Variants in ABCB5 observed in about 807,000 individuals in gnomAD.
ABCB5 encodes ATP binding cassette subfamily B member 5, also known as ATP-binding cassette sub-family B member 5.
Under a neutral mutation model 144.2 loss-of-function variants are expected in ABCB5, and 155 were observed. The observed-to-expected ratio is 1.08, with a 90% confidence interval of 0.94 to 1.23. The LOEUF is 1.23. ABCB5 is among the 50% of genes most tolerant of loss of function. The pLI, the probability that ABCB5 is intolerant of heterozygous loss-of-function variation, is 0.00. For synonymous variants in ABCB5, 610 were observed against 528.6 expected (o/e 1.15, Z -2.11); for missense variants, 1,830 against 1,520.8 (o/e 1.20, Z -3.38).
In ABCB5 at chr7:20,753,506, G is replaced by T; in HGVS notation, c.3576G>T (p.Lys1192Asn). Residue 1192 changes from lysine (K) to asparagine (N), a missense_variant and splice_region_variant, in exon 27 of 28, where the codon AAG becomes AAT. Lys to Asn is a moderately conservative substitution (Grantham distance 94, BLOSUM62 0). Coordinates refer to ENST00000404938, the MANE Select transcript of ABCB5 (RefSeq NM_001163941.2). The part of the protein sequence containing the change: ...ATSALDNDSE[K>N]VVQHALDKAR... ...CAGCCCTCGATAATGACAGTGAGAA[G>T]GTAACATCATTTTCTTTTATCTCAG... is the stretch of plus-strand genomic sequence containing the variant. 1 of 1,608,564 alleles carries T rather than the reference G, an allele frequency of 6.2e-7. No homozygotes were observed. Among genetic ancestry groups the T allele is most frequent in the Non-Finnish European group, 8.5e-7 (1 of 1,177,900 alleles).
chr7:20,617,087 A>G (rs911258454), intron 1 of ABCB5, among the ~76,000 whole-genome samples: 4 of 152,092 alleles, frequency 2.6e-5, no homozygotes, highest in African/African-American at 9.7e-5. Context: ...TATACCAAAA[A>G]CTGACCACTC....
intron 23 of ABCB5, among the ~76,000 whole-genome samples, chr7:20,732,878 G>A (rs1346366735): frequency 6.6e-6 from 1 of 152,164 alleles, no homozygotes; most frequent in Non-Finnish European, 1.5e-5. Flanking sequence ...GCCTGCAAAT[G>A]ACACCCGTTA....
intron 12 of ABCB5, among the ~76,000 whole-genome samples, chr7:20,650,916 T>C (rs1784562461): frequency 6.6e-6 from 1 of 152,198 alleles, no homozygotes; most frequent in African/African-American, 2.4e-5. Flanking sequence ...CCCTGGCTTC[T>C]GTCACGGGAA....
intron 26 of ABCB5, among the ~76,000 whole-genome samples, 187 bp from the exon 27 acceptor site, chr7:20,753,173 A>T (rs187522699): frequency 3.1e-4 from 47 of 152,322 alleles, no homozygotes; most frequent in African/African-American, 1.1e-3. Flanking sequence ...TGTAAATGAG[A>T]TGGTAGTGTT....
chr7:20,675,324 C>T (rs1785566460), intron 14 of ABCB5, among the ~76,000 whole-genome samples: 1 of 151,794 alleles, frequency 6.6e-6, no homozygotes, highest in Non-Finnish European at 1.5e-5. Flanking sequence ...GAATAGAAAG[C>T]CCAGAAATAA....
At chr7:20,722,126 T>A (rs575344755) in intron 20 of ABCB5, among the ~76,000 whole-genome samples, 51 of 152,330 alleles carry the variant, frequency 3.3e-4, no homozygotes, top group Non-Finnish European at 6.2e-4. Flanking sequence ...TTTTTGTTAA[T>A]AGTAACTATG....
At chr7:20,680,569 C>CA (rs112635560) in intron 14 of ABCB5, among the ~76,000 whole-genome samples, 2,399 of 78,032 alleles carry the variant, frequency 0.031, 46 homozygotes, top group African/African-American at 0.066. Flanking sequence ...GACTCCGTCT[C>CA]AAAAAAAAAA....
chr7:20,626,350 C>T (rs1336626744), intron 2 of ABCB5, among the ~76,000 whole-genome samples: 1 of 152,150 alleles, frequency 6.6e-6, no homozygotes, highest in East Asian at 1.9e-4. Flanking sequence ...AAAAATTCTC[C>T]TCCAGACACG....
intron 10 of ABCB5, 39 bp downstream of exon 10, chr7:20,647,687 C>T (rs762688803): frequency 2.0e-6 from 3 of 1,538,250 alleles, no homozygotes; most frequent in Admixed American, 2.2e-5. Flanking sequence ...ACTATCATTA[C>T]TGCAAGAAGG....
chr7:20,717,276 G>A lies in ABCB5; in HGVS notation c.2422-5740G>A, dbSNP rs144851524. ...CACAGACTAGGAGGCTGCAACAACA[G>A]ACATTCATTTCCTTACAGTTCTGGA... On this transcript the variant is annotated intron_variant, in intron 20 of 27. Transcript: ENST00000404938. 4.6e-5 allele frequency among the ~76,000 whole-genome samples: 7 copies of A among 152,170 alleles called. No individual in the cohort carries two copies. The East Asian group carries it at 1.4e-3, about 29-fold the overall frequency.
chr7:20,717,883 CTTTTTTTTTTTTTTTTTTTTTTTTT>C (rs574592723), intron 20 of ABCB5, among the ~76,000 whole-genome samples: 1 of 43,208 alleles, frequency 2.3e-5, no homozygotes, highest in Non-Finnish European at 4.7e-5. Context: ...TTGTAACATT[CTTTTTTTTTTTTTTTTTTTTTTTTT>C]TTTTTTTTTT....
intron 21 of ABCB5, among the ~76,000 whole-genome samples, chr7:20,724,218 A>ATTTG (rs1332712599): frequency 6.7e-6 from 1 of 149,766 alleles, no homozygotes; most frequent in African/African-American, 2.5e-5. Context: ...TTATTTATTT[A>ATTTG]TTGGTGGACT....
intron 14 of ABCB5, chr7:20,659,712 T>C: frequency 1.0e-6 from 1 of 987,040 alleles, no homozygotes; most frequent in Non-Finnish European, 1.2e-6. Context: ...AGGACAGGGA[T>C]CTGTATTTAG....
intron 3 of ABCB5, 112 bp from the exon 4 acceptor site, chr7:20,628,576 A>G: frequency 9.5e-7 from 1 of 1,057,190 alleles, no homozygotes; most frequent in Non-Finnish European, 1.3e-6. Context: ...CTTAATGTAT[A>G]AAGTCATGTT....
intron 5 of ABCB5, among the ~76,000 whole-genome samples, chr7:20,639,695 A>C (rs79448643): frequency 0.031 from 4,720 of 152,284 alleles, 260 homozygotes; most frequent in African/African-American, 0.11. Flanking sequence ...GCTCTGTTGC[A>C]GTTATTGACA....
In ABCB5 at chr7:20,650,134, C is replaced by T. The variant is rs759211780; in HGVS notation, c.1319C>T (p.Pro440Leu). ...CAGCTTCTGCAGAGGTTATATGATC[C>T]GGATGATGGCTTTGTAAGTGCAGCT... is the stretch of plus-strand genomic sequence containing the variant. ...VVQLLQRLYD[P>L]DDGFIMVDEN... The change falls in exon 12 of 28, where the codon CCG becomes CTG. Residue 440 changes from proline to leucine, a missense_variant. By Grantham distance (98) the Pro-to-Leu change is moderately conservative (BLOSUM62 -3). Transcript: ENST00000404938. The T allele has an allele frequency of 1.3e-5, 21 of 1,613,268 alleles. No individual in the cohort carries two copies. Among genetic ancestry groups the T allele is most frequent in the African/African-American group, 6.7e-5 (5 of 74,862 alleles).
intron 5 of ABCB5, among the ~76,000 whole-genome samples, chr7:20,634,520 G>T (rs118142296): frequency 0.025 from 3,876 of 152,140 alleles, 70 homozygotes; most frequent in Middle Eastern, 0.041. Context: ...CCCCAATAGT[G>T]TATAAGTGTT....
chr7:20,707,990 A>G (rs1191131379), intron 20 of ABCB5, among the ~76,000 whole-genome samples: 1 of 151,792 alleles, frequency 6.6e-6, no homozygotes, highest in Non-Finnish European at 1.5e-5. Flanking sequence ...TATTTTTAGT[A>G]GAGACGGGTT....
At chr7:20,698,974 T>C (rs191896065) in intron 17 of ABCB5, among the ~76,000 whole-genome samples, 314 of 152,308 alleles carry the variant, frequency 2.1e-3, no homozygotes, top group Non-Finnish European at 3.5e-3. Flanking sequence ...TTGGTGTGTT[T>C]AAGGATCTTA....
Sources: gnomAD v4.1 joint callset for allele counts (sites outside exome capture counted in the v4.1 genomes callset) on GRCh38, gnomAD v4.1.1 for gene constraint, MANE v1.5 for transcripts, NCBI Gene and HGNC (gene_info 2026-07-23, HGNC 2026-07-21) for gene names.